The following SCNN1G variants were observed in gnomAD, a reference collection of about 807,000 sequenced individuals.
The protein encoded by SCNN1G is epithelial sodium channel subunit gamma.
A neutral mutation model predicts 64.6 loss-of-function variants in SCNN1G; 27 were observed. The observed-to-expected ratio is 0.42, with a 90% CI of 0.31 to 0.58. SCNN1G has a LOEUF of 0.58. Ranked by LOEUF, SCNN1G falls within the 20% of genes least tolerant of loss-of-function variation. The pLI is 0.18. For missense variants in SCNN1G, 743 were observed against 823.4 expected, an observed-to-expected ratio of 0.90 and a Z score of 1.19; for synonymous variants, 330 against 314.2, an observed-to-expected ratio of 1.05 and a Z score of -0.53.
chr16:23,189,710 C>A (rs185228593), intron 3 of SCNN1G, 39 bp downstream of exon 3: 3 of 1,593,492 alleles, frequency 1.9e-6, no homozygotes, highest in Non-Finnish European at 2.6e-6. Context: ...TGCTTAGGGG[C>A]ATGGGATGGG....
chr16:23,196,357 GGGA>G (rs1289304622), intron 5 of SCNN1G: 3 of 151,102 alleles, frequency 2.0e-5, no homozygotes, highest in African/African-American at 4.9e-5. Flanking sequence ...GGGAGACAGT[GGGA>G]GGAGATGAGG....
At chr16:23,189,704 T>C (rs1482679378) in intron 3 of SCNN1G, 33 bp downstream of exon 3, 1 of 1,605,284 alleles carries the variant, frequency 6.2e-7, no homozygotes, top group Non-Finnish European at 8.5e-7. Flanking sequence ...TTTCACTGCT[T>C]AGGGGCATGG....
chr16:23,192,077 A>G (rs1229862875), intron 3 of SCNN1G, among the ~76,000 whole-genome samples: 1 of 138,066 alleles, frequency 7.2e-6, no homozygotes. Context: ...GGGACCCTGA[A>G]GAGCTGGTTT....
intron 7 of SCNN1G, 43 bp downstream of exon 7, chr16:23,209,891 G>A (rs62031875): frequency 3.9e-5 from 54 of 1,381,144 alleles, no homozygotes; most frequent in East Asian, 6.9e-5. Context: ...TTTATGGCCC[G>A]GACCCAGGAG....
intron 5 of SCNN1G, 45 bp from the exon 6 acceptor site, chr16:23,197,219 T>A (rs112988081): frequency 6.4e-7 from 1 of 1,558,926 alleles, no homozygotes; most frequent in Non-Finnish European, 8.8e-7. Flanking sequence ...CCCCAGGAAA[T>A]GTTTTCCTAG....
intron 1 of SCNN1G, among the ~76,000 whole-genome samples, 159 bp downstream of exon 1, chr16:23,182,972 C>T (rs548234839): frequency 5.3e-4 from 80 of 152,294 alleles, no homozygotes; most frequent in Middle Eastern, 3.4e-3. Context: ...ACACCTTGCC[C>T]GGGCGGTAGC....
At chr16:23,212,798 T>C (rs1192300419) in intron 9 of SCNN1G, 39 bp from the exon 10 acceptor site, 1 of 1,613,670 alleles carries the variant, frequency 6.2e-7, no homozygotes. Flanking sequence ...CTGGGTTGGG[T>C]TGGGCTGCCT....
chr16:23,201,441 C>A lies in SCNN1G; in HGVS notation c.1077+4014C>A, dbSNP rs562646242. Reference sequence around the variant, plus strand: ...AACAAAGACATGAGTGAGTTTTCTGCTACACCTAATTTAAGATGTAGAAAA... The same window carrying A: ...AACAAAGACATGAGTGAGTTTTCTGATACACCTAATTTAAGATGTAGAAAA... On this transcript the variant is annotated intron_variant, in intron 6 of 12. Coordinates refer to ENST00000300061, the MANE Select transcript of SCNN1G (RefSeq NM_001039.4). Among the ~76,000 whole-genome samples, 143 of 152,162 alleles carry A rather than the reference C, an allele frequency of 9.4e-4. 8 individuals are homozygous for A. In the South Asian group the frequency reaches 0.029, roughly 31 times the overall value.
rs1183249447 is a variant in SCNN1G, at chr16:23,199,672, T to TC, written c.1077+2245_1077+2246insC. Among the ~76,000 whole-genome samples the TC allele has an allele frequency of 2.5e-5, 3 of 120,832 alleles. No individual in the cohort carries two copies. The East Asian group carries it at 7.2e-4, about 29-fold the overall frequency. 79.3% of individuals were successfully genotyped at this position (120,832 alleles called of 152,430 possible). On this transcript the variant is annotated intron_variant, in intron 6 of 12. Transcript: ENST00000300061. ...TCTTTTCTTTTCTTTTCTTTTTTTT[T>TC]TTTTTTTTTTTTTTTTTGAGACAGA...
chr16:23,189,703 T>C lies in SCNN1G; in HGVS notation c.618+32T>C, dbSNP rs749659508. The C allele has an allele frequency of 2.2e-5, 36 of 1,606,006 alleles. 1 individual carries two copies. In the South Asian group the frequency reaches 3.9e-4, roughly 17 times the overall value. On this transcript the variant is annotated intron_variant, in intron 3 of 12. Transcript: ENST00000300061. ...TTTCACCTTCTCATTCTTTCACTGC[T>C]TAGGGGCATGGGATGGGCTGGGTCC... is the stretch of plus-strand genomic sequence containing the variant.
At chr16:23,191,840 T>C (rs1596764468) in intron 3 of SCNN1G, among the ~76,000 whole-genome samples, 1 of 152,166 alleles carries the variant, frequency 6.6e-6, no homozygotes, top group Admixed American at 6.5e-5. Context: ...CAAACATGGG[T>C]CCTCCCAGCT....
At chr16:23,206,091 G>T (rs1369988692) in intron 6 of SCNN1G, among the ~76,000 whole-genome samples, 1 of 152,202 alleles carries the variant, frequency 6.6e-6, no homozygotes, top group African/African-American at 2.4e-5. Context: ...CGCCCACCCC[G>T]CTGTGATGGG....
In SCNN1G at chr16:23,216,552, A is replaced by T. The variant is rs529301010; in HGVS notation, c.*1083A>T. ...TAGGTACTGTTTTAAGCACCTAGAT[A>T]GGTTAGCATAGGGGACTGCAAATGG... On this transcript the variant is annotated 3_prime_UTR_variant, in exon 13 of 13. Coordinates refer to ENST00000300061, the MANE Select transcript of SCNN1G (RefSeq NM_001039.4). 1 of 152,352 alleles carries T rather than the reference A, an allele frequency of 6.6e-6. No individual in the cohort carries two copies. Among genetic ancestry groups the T allele is most frequent in the East Asian group, 1.9e-4 (1 of 5,186 alleles). The allele number at this position is 152,352 out of a possible 1,614,324, so 9.4% of individuals were successfully genotyped here.
rs745746714 is a variant in SCNN1G, at chr16:23,189,621, G to T, written c.568G>T (p.Ala190Ser). The change falls in exon 3 of 13, where the codon GCT (alanine) becomes TCT (serine). Residue 190 changes from alanine to serine, a missense_variant. Physicochemically the swap from Ala to Ser is moderately conservative, Grantham distance 99. Transcript: ENST00000300061. ...AGTCGGCGGTAGCATCATTCACAAG[G>T]CTTCAAATGTCATGCACATCGAGTC... ...RKVGGSIIHK[A>S]SNVMHIESKQ... is the part of the protein sequence containing the mutation. The T allele has an allele frequency of 1.2e-6, 2 of 1,614,224 alleles. No individual in the cohort carries two copies. Among genetic ancestry groups the T allele is most frequent in the Middle Eastern group, 1.6e-4 (1 of 6,062 alleles).
At chr16:23,208,130 A>G (rs553120967) in intron 6 of SCNN1G, among the ~76,000 whole-genome samples, 1 of 152,284 alleles carries the variant, frequency 6.6e-6, no homozygotes, top group African/African-American at 2.4e-5. Flanking sequence ...GCTTGGCTGG[A>G]TTATTTATTT....
At chr16:23,204,171 T>G (rs2141939301) in intron 6 of SCNN1G, among the ~76,000 whole-genome samples, 1 of 150,166 alleles carries the variant, frequency 6.7e-6, no homozygotes, top group Admixed American at 6.7e-5. Context: ...CCCAGCTACT[T>G]GGGAGGCTCA....
intron 6 of SCNN1G, among the ~76,000 whole-genome samples, chr16:23,206,260 C>T (rs1959988482): frequency 6.6e-6 from 1 of 152,168 alleles, no homozygotes; most frequent in African/African-American, 2.4e-5. Flanking sequence ...CTGGGAATAG[C>T]TTGGCTGGAC....
intron 2 of SCNN1G, among the ~76,000 whole-genome samples, chr16:23,186,880 C>T (rs994901031): frequency 5.3e-5 from 8 of 151,890 alleles, no homozygotes; most frequent in Admixed American, 3.3e-4. Flanking sequence ...GGTGCGATCT[C>T]GGCTCACTGC....
intron 6 of SCNN1G, among the ~76,000 whole-genome samples, chr16:23,204,667 A>G (rs184296248): frequency 6.6e-6 from 1 of 151,880 alleles, no homozygotes; most frequent in South Asian, 2.1e-4. Context: ...ACTTTTTCAC[A>G]TGCAAAATAG....
Sources: allele counts gnomAD v4.1 joint callset (sites outside exome capture counted in the v4.1 genomes callset), GRCh38; gene constraint gnomAD v4.1.1; transcripts MANE v1.5; gene names NCBI Gene and HGNC (gene_info 2026-07-23, HGNC 2026-07-21).